The following AP3S1 variants were observed in gnomAD, a reference collection of about 807,000 sequenced individuals.
AP3S1 encodes the protein adaptor related protein complex 3 subunit sigma 1.
AP3S1 carries 12 observed loss-of-function variants against 21.3 expected under a neutral mutation model. That is an observed-to-expected ratio of 0.56 (90% CI 0.36 to 0.91). The LOEUF is 0.91. Among genes scored for constraint, AP3S1 ranks in the 40% least tolerant of loss-of-function variants. The pLI is 0.01. For missense variants in AP3S1, 116 were observed against 225.0 expected (o/e 0.52, Z 3.10); for synonymous variants, 48 against 78.4 (o/e 0.61, Z 2.05).
intron 3 of AP3S1, among the ~76,000 whole-genome samples, chr5:115,877,606 GGC>G (rs1748849228): frequency 6.6e-6 from 1 of 152,188 alleles, no homozygotes; most frequent in Non-Finnish European, 1.5e-5. Flanking sequence ...ATCACTGATG[GGC>G]ATTTGGGTTG....
chr5:115,868,568 G>GTAT (rs1240223434), intron 2 of AP3S1, among the ~76,000 whole-genome samples: 1 of 152,034 alleles, frequency 6.6e-6, no homozygotes, highest in Non-Finnish European at 1.5e-5. Flanking sequence ...TATAAGTTTA[G>GTAT]TATTATTTTT....
chr5:115,884,280 T>C (rs1749568627), intron 3 of AP3S1, among the ~76,000 whole-genome samples: 1 of 152,248 alleles, frequency 6.6e-6, no homozygotes, highest in Non-Finnish European at 1.5e-5. Flanking sequence ...TCTTAAGTTA[T>C]CTTAAGTATT....
At chr5:115,855,395 G>A (rs1208140889) in intron 1 of AP3S1, among the ~76,000 whole-genome samples, 8 of 151,644 alleles carry the variant, frequency 5.3e-5, no homozygotes, top group African/African-American at 1.2e-4. Flanking sequence ...GCTGGAGTCC[G>A]GTGGTATATC....
intron 3 of AP3S1, among the ~76,000 whole-genome samples, chr5:115,879,888 T>C (rs181149239): frequency 6.6e-6 from 1 of 152,306 alleles, no homozygotes; most frequent in East Asian, 1.9e-4. Context: ...CAGAACTTGT[T>C]ATTGGTCTGG....
rs1580765068 is a variant in AP3S1, at chr5:115,913,929, C to G, written c.*439C>G. 1 of 152,998 alleles carries G rather than the reference C, an allele frequency of 6.5e-6. No individual in the cohort carries two copies. Among genetic ancestry groups the G allele is most frequent in the African/African-American group, 2.4e-5 (1 of 41,600 alleles). 9.5% of individuals were successfully genotyped at this position (152,998 alleles called of 1,614,324 possible). On this transcript the variant is annotated 3_prime_UTR_variant, in exon 6 of 6. Coordinates refer to ENST00000316788, the MANE Select transcript of AP3S1 (RefSeq NM_001284.4). ...GAACCAAGTATGTATTGCATGAAAA[C>G]ATTATGACTTTTTTCTCTTAGTTTA...
At chr5:115,869,619 C>G (rs1748042561) in intron 2 of AP3S1, among the ~76,000 whole-genome samples, 1 of 152,178 alleles carries the variant, frequency 6.6e-6, no homozygotes, top group South Asian at 2.1e-4. Flanking sequence ...TTAAATGCCA[C>G]TCTTGCTTAA....
chr5:115,893,727 T>A (rs1750516664), intron 3 of AP3S1, among the ~76,000 whole-genome samples: 1 of 152,210 alleles, frequency 6.6e-6, no homozygotes, highest in African/African-American at 2.4e-5. Context: ...GGATCACCTG[T>A]GAATAGTGGG....
At chr5:115,873,232 G>A (rs561153476) in intron 3 of AP3S1, among the ~76,000 whole-genome samples, 1 of 152,256 alleles carries the variant, frequency 6.6e-6, no homozygotes, top group Non-Finnish European at 1.5e-5. Flanking sequence ...AGTTTTCAAA[G>A]AACAAACATG....
rs376605512 is a variant in AP3S1, at chr5:115,848,561, T to C, written c.69+6455T>C. Among the ~76,000 whole-genome samples the C allele has an allele frequency of 6.3e-4, 96 of 152,364 alleles. 2 individuals are homozygous for C. The East Asian group carries it at 0.015, about 24-fold the overall frequency. ...TACCTGTGTAACCTGAGGTTATCAG[T>C]GTCCTTGTCTTTTTCGTTCTGAAAG... On this transcript the variant is annotated intron_variant, in intron 1 of 5. Coordinates refer to ENST00000316788, the MANE Select transcript of AP3S1 (RefSeq NM_001284.4).
intron 5 of AP3S1, among the ~76,000 whole-genome samples, chr5:115,912,900 T>C (rs1235143024): frequency 6.6e-6 from 1 of 152,082 alleles, no homozygotes; most frequent in East Asian, 1.9e-4. Flanking sequence ...CCTAAGAAAT[T>C]AAACAAGCAC....
intron 1 of AP3S1, among the ~76,000 whole-genome samples, chr5:115,860,341 C>T (rs1353758636): frequency 6.6e-6 from 1 of 152,186 alleles, no homozygotes; most frequent in African/African-American, 2.4e-5. Flanking sequence ...TCATGTTAAC[C>T]ACACATATTT....
At chr5:115,887,044 C>T (rs1749847027) in intron 3 of AP3S1, among the ~76,000 whole-genome samples, 1 of 152,102 alleles carries the variant, frequency 6.6e-6, no homozygotes, top group African/African-American at 2.4e-5. Flanking sequence ...TCTTAAACAC[C>T]ATACTTTAAA....
chr5:115,908,105 G>A (rs1751806439), intron 5 of AP3S1, among the ~76,000 whole-genome samples: 1 of 152,058 alleles, frequency 6.6e-6, no homozygotes, highest in Non-Finnish European at 1.5e-5. Flanking sequence ...CAACATACAG[G>A]TGGCTTTATA....
At chr5:115,904,467 A>G (rs1369326564) in intron 5 of AP3S1, among the ~76,000 whole-genome samples, 1 of 152,216 alleles carries the variant, frequency 6.6e-6, no homozygotes, top group Non-Finnish European at 1.5e-5. Flanking sequence ...TTAAATTTAA[A>G]ATAGTCTTGC....
At chr5:115,901,699 C>T (rs891571890) in intron 4 of AP3S1, among the ~76,000 whole-genome samples, 1 of 151,936 alleles carries the variant, frequency 6.6e-6, no homozygotes, top group Non-Finnish European at 1.5e-5. Context: ...GAAGTACAGA[C>T]GTGAGGCACT....
At chr5:115,906,806 T>C in intron 5 of AP3S1, 1 of 1,499,580 alleles carries the variant, frequency 6.7e-7, no homozygotes, top group Admixed American at 2.1e-5. Context: ...CTCTTTCCAT[T>C]CTTCTCTCTT....
intron 3 of AP3S1, among the ~76,000 whole-genome samples, chr5:115,892,449 T>A (rs1395268312): frequency 6.6e-6 from 1 of 152,192 alleles, no homozygotes; most frequent in African/African-American, 2.4e-5. Flanking sequence ...GAAAATGTGG[T>A]ACATATACAC....
chr5:115,897,073 G>GA, intron 4 of AP3S1, among the ~76,000 whole-genome samples: 2 of 152,164 alleles, frequency 1.3e-5, no homozygotes, highest in East Asian at 1.9e-4. Context: ...ATTCATTTTA[G>GA]AAAAATCAGA....
At chr5:115,878,496 C>T (rs1341688910) in intron 3 of AP3S1, among the ~76,000 whole-genome samples, 1 of 152,146 alleles carries the variant, frequency 6.6e-6, no homozygotes, top group Non-Finnish European at 1.5e-5. Flanking sequence ...TACCAAAGGT[C>T]AGATGGTTGT....
Sources: gnomAD v4.1 joint callset for allele counts (sites outside exome capture counted in the v4.1 genomes callset) on GRCh38, gnomAD v4.1.1 for gene constraint, MANE v1.5 for transcripts, NCBI Gene and HGNC (gene_info 2026-07-23, HGNC 2026-07-21) for gene names.